PILRA: variants seen among roughly 807,000 people sequenced by gnomAD.
PILRA encodes the protein paired immunoglobulin-like type 2 receptor alpha.
In PILRA, 37 loss-of-function variants were observed where a neutral mutation model predicts 33.1. The observed-to-expected ratio is 1.12, with a 90% CI of 0.86 to 1.47. PILRA has a LOEUF of 1.47. Among genes scored for constraint, PILRA ranks in the 40% most tolerant of loss-of-function variants. The pLI is 0.00. For missense variants in PILRA, 312 were observed against 376.2 expected, an observed-to-expected ratio of 0.83 and a Z score of 1.41; for synonymous variants, 146 against 149.9, an observed-to-expected ratio of 0.97 and a Z score of 0.19.
At chr7:100,387,523 A>C (rs1791280727) in intron 2 of PILRA, among the ~76,000 whole-genome samples, 1 of 152,082 alleles carries the variant, frequency 6.6e-6, no homozygotes. Context: ...CCCAAGGTAT[A>C]CTAGTTCTTA....
Position 100,390,116 on chromosome 7 carries a change from C to A in PILRA, c.673+10C>A, listed in dbSNP as rs1425321152. 1.2e-6 allele frequency: 2 copies of A among 1,610,052 alleles called. No homozygotes were observed. Among genetic ancestry groups the A allele is most frequent in the African/African-American group, 1.3e-5 (1 of 74,786 alleles). On this transcript the variant is annotated intron_variant, in intron 3 of 6. Coordinates refer to ENST00000198536, the MANE Select transcript of PILRA (RefSeq NM_013439.3). ...TGGAGGAGAAGGAAAGGTAAGTGCC[C>A]AGGACCCGCCCTCTCCCCAAGCCTC...
In PILRA at chr7:100,390,086, T is replaced by C. The variant is rs1346951951; in HGVS notation, c.653T>C (p.Leu218Pro). 6.2e-7 allele frequency: 1 copy of C among 1,613,858 alleles called. No homozygotes were observed. The highest frequency in any genetic ancestry group is 1.3e-5 in the African/African-American group (1 of 74,864). Residue 218 changes from leucine to proline, a missense_variant, in exon 3 of 7, where the codon CTC becomes CCC. Coordinates refer to ENST00000198536, the MANE Select transcript of PILRA (RefSeq NM_013439.3). The part of the protein sequence containing the change: ...GIMILGLICL[L>P]RWRRRKGQQR... ...ATGATTTTGGGACTGATCTGCCTCC[T>C]CAGGTGGAGGAGAAGGAAAGGTAAG...
At chr7:100,399,485 C>A in intron 5 of PILRA, 96 bp from the exon 6 acceptor site, 1 of 1,478,132 alleles carries the variant, frequency 6.8e-7, no homozygotes, top group Non-Finnish European at 9.5e-7. Context: ...CTGGCCCTGA[C>A]CTAGCAGATA....
chr7:100,398,002 C>A, intron 4 of PILRA, 90 bp downstream of exon 4: 2 of 1,304,474 alleles, frequency 1.5e-6, no homozygotes, highest in East Asian at 2.3e-5. Context: ...TGCTAAGAAC[C>A]CCACAAACCC....
chr7:100,394,593 CAAAAAAAAAAAAAAAA>C (rs60131231), intron 3 of PILRA, among the ~76,000 whole-genome samples: 1 of 47,348 alleles, frequency 2.1e-5, no homozygotes, highest in African/African-American at 8.0e-5. Context: ...GATTCTATCT[CAAAAAAAAAAAAAAAA>C]AAAAAAAAGG....
At position 100,397,930 on chromosome 7, in the gene PILRA, C is replaced by T; in HGVS notation, c.707+18C>T. On this transcript the variant is annotated intron_variant, in intron 4 of 6. Coordinates refer to ENST00000198536, the MANE Select transcript of PILRA (RefSeq NM_013439.3). ...CCAGCCAGGTGAGTGCTGGGCCTCCCCAGGGTGGGTTGGGGGGTGCATGTG... is the reference window on the plus strand; with the variant it reads ...CCAGCCAGGTGAGTGCTGGGCCTCCTCAGGGTGGGTTGGGGGGTGCATGTG... 1 of 1,613,400 alleles carries T rather than the reference C, an allele frequency of 6.2e-7. No individual in the cohort carries two copies. The highest frequency in any genetic ancestry group is 8.5e-7 in the Non-Finnish European group (1 of 1,179,396).
At chr7:100,375,763 A>G (rs1194905024) in intron 2 of PILRA, among the ~76,000 whole-genome samples, 1 of 145,410 alleles carries the variant, frequency 6.9e-6, no homozygotes, top group Non-Finnish European at 1.5e-5. Context: ...AACAAACACA[A>G]TGAAAGGGAT....
chr7:100,373,584 G>A lies in PILRA; in HGVS notation c.-73G>A. ...CCTCACTCACCTCAACCCCCAGGCG[G>A]CCCCTCCACAGGGCCCCTCTCCTGC... On this transcript the variant is annotated 5_prime_UTR_variant, in exon 1 of 7. Coordinates refer to ENST00000198536, the MANE Select transcript of PILRA (RefSeq NM_013439.3). The A allele has an allele frequency of 6.4e-7, 1 of 1,562,790 alleles. No homozygotes were observed.
At chr7:100,384,430 T>A (rs867767137) in intron 2 of PILRA, among the ~76,000 whole-genome samples, 39 of 122,598 alleles carry the variant, frequency 3.2e-4, no homozygotes, top group African/African-American at 8.8e-4. Flanking sequence ...AAAAAAAAAA[T>A]TTTTTTTTTT....
At position 100,382,107 on chromosome 7, in the gene PILRA, C is replaced by T. The variant is rs201227163; in HGVS notation, c.454+7674C>T. Among the ~76,000 whole-genome samples, 16 of 152,160 alleles carry T rather than the reference C, an allele frequency of 1.1e-4. No individual in the cohort carries two copies. In the East Asian group the frequency reaches 2.3e-3, roughly 22 times the overall value. The stretch of plus-strand genomic sequence containing the variant: ...CCGGTCCCATCGACCGCCCAAGGGC[C>T]GAGGAGTGCGGGAGCAAGGCGCAGA... On this transcript the variant is annotated intron_variant, in intron 2 of 6. Coordinates refer to ENST00000198536, the MANE Select transcript of PILRA (RefSeq NM_013439.3).
intron 3 of PILRA, among the ~76,000 whole-genome samples, chr7:100,395,398 A>AC (rs1488025846): frequency 6.6e-6 from 1 of 152,250 alleles, no homozygotes; most frequent in Non-Finnish European, 1.5e-5. Flanking sequence ...TCTGAAAGAC[A>AC]CAGCAAAAAG....
At chr7:100,389,039 T>C (rs1485728969) in intron 2 of PILRA, among the ~76,000 whole-genome samples, 3 of 152,200 alleles carry the variant, frequency 2.0e-5, no homozygotes, top group Non-Finnish European at 4.4e-5. Context: ...GTTTCCTTTT[T>C]GTTTTCAAGA....
At chr7:100,372,566 G>A (rs1033177058), upstream of PILRA, among the ~76,000 whole-genome samples, 6 of 152,210 alleles carry the variant, frequency 3.9e-5, no homozygotes, top group Non-Finnish European at 7.3e-5. Flanking sequence ...GGCAAAGGCC[G>A]GCAGATCCCC....
At chr7:100,371,705 C>T (rs1036587769), upstream of PILRA, among the ~76,000 whole-genome samples, 3 of 152,190 alleles carry the variant, frequency 2.0e-5, no homozygotes, top group Non-Finnish European at 2.9e-5. Context: ...CTCCTCCAGG[C>T]CCTCCTCCTC....
At chr7:100,380,556 G>A (rs1431501492) in intron 2 of PILRA, among the ~76,000 whole-genome samples, 2 of 152,156 alleles carry the variant, frequency 1.3e-5, no homozygotes, top group Non-Finnish European at 2.9e-5. Context: ...TGCACTTAGG[G>A]AGTCCAAGAC....
intron 2 of PILRA, among the ~76,000 whole-genome samples, chr7:100,382,001 A>ACCCC (rs1181591005): frequency 1.1e-4 from 11 of 97,654 alleles, no homozygotes; most frequent in African/African-American, 1.2e-4. Flanking sequence ...CTCAGTCCCC[A>ACCCC]CCCCCACCCC....
chr7:100,375,967 A>T (rs550021186), intron 2 of PILRA, among the ~76,000 whole-genome samples: 1 of 152,306 alleles, frequency 6.6e-6, no homozygotes, highest in East Asian at 1.9e-4. Context: ...CAGTGGGGTG[A>T]GGGGAGTTTC....
In PILRA at chr7:100,399,352, C is replaced by T. The variant is rs1285607947; in HGVS notation, c.757+12C>T. On this transcript the variant is annotated intron_variant, in intron 5 of 6. Coordinates refer to ENST00000198536, the MANE Select transcript of PILRA (RefSeq NM_013439.3). Reference sequence around the variant, plus strand: ...TATCAGGAATGAAGGTGAGTCCTTACCACCATCCTTCCCCAGTTTCTACCC... The same window carrying T: ...TATCAGGAATGAAGGTGAGTCCTTATCACCATCCTTCCCCAGTTTCTACCC... 2 of 1,607,630 alleles carry T rather than the reference C, an allele frequency of 1.2e-6. No homozygotes were observed. The highest frequency in any genetic ancestry group is 1.7e-6 in the Non-Finnish European group (2 of 1,174,334).
At chr7:100,399,667 G>A (rs1791609857) in intron 6 of PILRA, 55 bp downstream of exon 6, 2 of 1,612,306 alleles carry the variant, frequency 1.2e-6, no homozygotes, top group African/African-American at 2.7e-5. Context: ...GAGAAGGTGG[G>A]GTGGAAGGGA....
Sources: allele counts gnomAD v4.1 joint callset (sites outside exome capture counted in the v4.1 genomes callset), GRCh38; gene constraint gnomAD v4.1.1; transcripts MANE v1.5; gene names NCBI Gene and HGNC (gene_info 2026-07-23, HGNC 2026-07-21).